The following NAV2 variants were observed in gnomAD, a reference collection of about 807,000 sequenced individuals.
NAV2 encodes the protein neuron navigator 2.
In NAV2, 54 loss-of-function variants were observed where a neutral mutation model predicts 223.2. That is an observed-to-expected ratio of 0.24 (90% CI 0.19 to 0.30). NAV2 has a LOEUF of 0.30. Among genes scored for constraint, NAV2 ranks in the 10% least tolerant of loss-of-function variants. The probability of loss-of-function intolerance (pLI) is 1.00; values close to 1 mark genes in which losing one functional copy is unlikely to be tolerated. For missense variants in NAV2, 2,806 were observed against 3,147.5 expected (o/e 0.89, Z 2.60); for synonymous variants, 1,279 against 1,239.3 (o/e 1.03, Z -0.67).
At chr11:19,770,980 T>G (rs1470222793) in intron 1 of NAV2, among the ~76,000 whole-genome samples, 1 of 152,170 alleles carries the variant, frequency 6.6e-6, no homozygotes, top group African/African-American at 2.4e-5. Context: ...TCAGTGCAGT[T>G]TATATTCATT....
chr11:19,783,131 T>C (rs1038381311), intron 1 of NAV2, among the ~76,000 whole-genome samples: 2 of 152,186 alleles, frequency 1.3e-5, no homozygotes, highest in African/African-American at 2.4e-5. Flanking sequence ...GGAAGGTGTG[T>C]ATGTCTGTAG....
intron 12 of NAV2, among the ~76,000 whole-genome samples, chr11:20,036,968 T>C (rs918176152): frequency 6.6e-6 from 1 of 152,202 alleles, no homozygotes. Context: ...CCTCAGACCA[T>C]TCCTTCATGA....
chr11:20,108,245 A>G (rs1413485693), intron 36 of NAV2, among the ~76,000 whole-genome samples: 1 of 152,178 alleles, frequency 6.6e-6, no homozygotes, highest in African/African-American at 2.4e-5. Context: ...AAAGAGAATA[A>G]ATGATGTGCT....
intron 1 of NAV2, among the ~76,000 whole-genome samples, chr11:19,412,713 C>T (rs11025126): frequency 0.2 from 30,258 of 152,184 alleles, 3,666 homozygotes; most frequent in Non-Finnish European, 0.27. Context: ...TCTGATGAAG[C>T]TTCCAAAGGA....
At chr11:19,611,350 C>T (rs1445530560) in intron 1 of NAV2, among the ~76,000 whole-genome samples, 1 of 152,144 alleles carries the variant, frequency 6.6e-6, no homozygotes, top group Admixed American at 6.5e-5. Context: ...CTCATGTCCT[C>T]ACATTTCAAG....
chr11:20,012,734 A>G (rs1424832607), intron 11 of NAV2, among the ~76,000 whole-genome samples: 2 of 151,902 alleles, frequency 1.3e-5, no homozygotes, highest in East Asian at 3.9e-4. Flanking sequence ...TGTTGTCAAT[A>G]CACTTTTAAT....
chr11:19,428,859 C>G (rs1037187960), intron 1 of NAV2, among the ~76,000 whole-genome samples: 1 of 152,226 alleles, frequency 6.6e-6, no homozygotes, highest in African/African-American at 2.4e-5. Flanking sequence ...ATTCTTTCTT[C>G]ATCCATATCA....
chr11:19,761,403 G>A (rs940082088), intron 1 of NAV2, among the ~76,000 whole-genome samples: 1 of 152,176 alleles, frequency 6.6e-6, no homozygotes, highest in African/African-American at 2.4e-5. Context: ...AAGTAAAGTT[G>A]AATGATATGC....
intron 1 of NAV2, among the ~76,000 whole-genome samples, chr11:19,365,514 G>C (rs1848247203): frequency 6.6e-6 from 1 of 152,202 alleles, no homozygotes; most frequent in Admixed American, 6.5e-5. Flanking sequence ...CCTGGGCTTG[G>C]TATGAGGATC....
At chr11:19,859,601 T>C (rs1328466529) in intron 3 of NAV2, among the ~76,000 whole-genome samples, 1 of 152,016 alleles carries the variant, frequency 6.6e-6, no homozygotes, top group Non-Finnish European at 1.5e-5. Flanking sequence ...TTCCCCCCTT[T>C]CTATTCCACA....
At chr11:19,756,766 G>A (rs1433061361) in intron 1 of NAV2, among the ~76,000 whole-genome samples, 1 of 152,230 alleles carries the variant, frequency 6.6e-6, no homozygotes, top group Non-Finnish European at 1.5e-5. Context: ...CCTGCTGGGA[G>A]TTAAAAAGGC....
At chr11:19,526,541 C>T (rs2134379716) in intron 1 of NAV2, among the ~76,000 whole-genome samples, 1 of 152,188 alleles carries the variant, frequency 6.6e-6, no homozygotes, top group South Asian at 2.1e-4. Flanking sequence ...TTACTCACTG[C>T]ACACTCCAGG....
At chr11:20,008,290 C>T (rs543352725) in intron 11 of NAV2, among the ~76,000 whole-genome samples, 138 of 151,862 alleles carry the variant, frequency 9.1e-4, no homozygotes, top group African/African-American at 3.2e-3. Flanking sequence ...TCCATGAGGC[C>T]GAGGTTGCAA....
At chr11:20,056,568 C>T (rs776348337) in intron 19 of NAV2, 41 of 1,613,764 alleles carry the variant, frequency 2.5e-5, no homozygotes, top group African/African-American at 9.3e-5. Flanking sequence ...CTTTGTCAGC[C>T]GTCTTCACAG....
At chr11:19,527,414 T>G (rs1336310408) in intron 1 of NAV2, among the ~76,000 whole-genome samples, 2 of 152,176 alleles carry the variant, frequency 1.3e-5, no homozygotes, top group East Asian at 3.9e-4. Context: ...GTCAGCAGCA[T>G]GAAAATTGAC....
At chr11:19,931,118 G>T (rs4757862) in intron 6 of NAV2, among the ~76,000 whole-genome samples, 83,890 of 151,882 alleles carry the variant, frequency 0.55, 23,906 homozygotes, top group East Asian at 0.65. Context: ...TAAAATAGGG[G>T]CAGGAACTCC....
At position 20,062,471 on chromosome 11, in the gene NAV2, A is replaced by G. The variant is rs1303405621; in HGVS notation, c.4884+112A>G. ...ATCCTAGGGAAAGCATTTCCATTAT[A>G]AGGGGATCAATTAATTAGGGAACAA... is the stretch of plus-strand genomic sequence containing the variant. On this transcript the variant is annotated intron_variant, in intron 20 of 37. Coordinates refer to ENST00000349880, the MANE Select transcript of NAV2 (RefSeq NM_145117.5). The G allele has an allele frequency of 6.4e-6, 5 of 776,666 alleles. No homozygotes were observed. In the Admixed American group the frequency reaches 1.1e-4, roughly 17 times the overall value. The allele number at this position is 776,666 out of a possible 1,614,324, so 48.1% of individuals were successfully genotyped here.
At chr11:19,693,332 C>T (rs1393930230) in intron 1 of NAV2, among the ~76,000 whole-genome samples, 2 of 152,166 alleles carry the variant, frequency 1.3e-5, no homozygotes, top group Non-Finnish European at 2.9e-5. Context: ...GCGGCAACAG[C>T]TAGAGGAAAT....
intron 2 of NAV2, among the ~76,000 whole-genome samples, chr11:19,835,082 C>T (rs1240304119): frequency 1.3e-5 from 2 of 152,166 alleles, no homozygotes; most frequent in Non-Finnish European, 2.9e-5. Flanking sequence ...TGTGCATTTT[C>T]TAAACATAGT....
Sources: gnomAD v4.1 joint callset for allele counts (sites outside exome capture counted in the v4.1 genomes callset) on GRCh38, gnomAD v4.1.1 for gene constraint, MANE v1.5 for transcripts, NCBI Gene and HGNC (gene_info 2026-07-23, HGNC 2026-07-21) for gene names.